The following FAH variants were observed in gnomAD, a reference collection of about 807,000 sequenced individuals.
FAH encodes the protein fumarylacetoacetate hydrolase.
FAH carries 47 observed loss-of-function variants against 55.8 expected under a neutral mutation model. That is an observed-to-expected ratio of 0.84 (90% CI 0.67 to 1.07). The LOEUF is 1.07. FAH is among the 50% of genes least tolerant of loss of function. FAH has a pLI of 0.00. For missense variants in FAH, 495 were observed against 545.9 expected, an observed-to-expected ratio of 0.91 and a Z score of 0.93; for synonymous variants, 199 against 207.7, an observed-to-expected ratio of 0.96 and a Z score of 0.36.
At chr15:80,178,760 T>C (rs2041305542) in intron 11 of FAH, among the ~76,000 whole-genome samples, 1 of 151,930 alleles carries the variant, frequency 6.6e-6, no homozygotes, top group African/African-American at 2.4e-5. Flanking sequence ...ATTTTTTTTT[T>C]TGTATTTTTA....
chr15:80,159,518 C>T (rs576268595), intron 2 of FAH, among the ~76,000 whole-genome samples: 1 of 152,214 alleles, frequency 6.6e-6, no homozygotes, highest in Admixed American at 6.5e-5. Context: ...CAGGTAGCAA[C>T]TCCTGGGCTT....
rs534969678 is a variant in FAH at position 80,155,664 on chromosome 15, C to A, written c.82-2396C>A. Among the ~76,000 whole-genome samples the A allele has an allele frequency of 6.6e-5, 10 of 152,076 alleles. 1 individual carries two copies. The highest frequency in any genetic ancestry group is 6.5e-4 in the Admixed American group (10 of 15,280). On this transcript the variant is annotated intron_variant, in intron 1 of 13. Coordinates refer to ENST00000561421, the MANE Select transcript of FAH (RefSeq NM_000137.4). ...CACTGCTACCACTGAGACACAGAGA[C>A]CGGTAGTGGCCCCGAATGGCTGGGC...
At chr15:80,179,954 G>A (rs2041315102) in intron 11 of FAH, among the ~76,000 whole-genome samples, 170 bp from the exon 12 acceptor site, 1 of 152,088 alleles carries the variant, frequency 6.6e-6, no homozygotes, top group East Asian at 1.9e-4. Flanking sequence ...CTCCCCAGGA[G>A]GACAATGTGT....
chr15:80,186,340 C>A lies in FAH; in HGVS notation c.*131C>A. ...TAAAGCCATTGTGCTCTGAGGCCTG[C>A]ACTGCCGCAGATGCAGCTGTGTCCA... is the stretch of plus-strand genomic sequence containing the variant. On this transcript the variant is annotated 3_prime_UTR_variant, in exon 14 of 14. Coordinates refer to ENST00000561421, the MANE Select transcript of FAH (RefSeq NM_000137.4). The A allele has an allele frequency of 2.6e-6, 2 of 757,784 alleles. No homozygotes were observed. Among genetic ancestry groups the A allele is most frequent in the South Asian group, 2.9e-5 (2 of 68,974 alleles). The allele number at this position is 757,784 out of a possible 1,614,324, so 46.9% of individuals were successfully genotyped here.
At chr15:80,156,776 G>A (rs928831215) in intron 1 of FAH, 1 of 152,226 alleles carries the variant, frequency 6.6e-6, no homozygotes, top group Admixed American at 6.5e-5. Context: ...TCCCAAGGTT[G>A]AAAGTAGAGG....
chr15:80,175,654 G>T (rs1044661946), intron 10 of FAH, among the ~76,000 whole-genome samples: 1 of 152,194 alleles, frequency 6.6e-6, no homozygotes. Context: ...TGCTCAGCCC[G>T]CCTCCGCGAA....
intron 4 of FAH, 69 bp from the exon 5 acceptor site, chr15:80,162,177 C>T: frequency 8.1e-7 from 1 of 1,237,116 alleles, no homozygotes. Flanking sequence ...GGCTCCAGTG[C>T]TTGGAACAGT....
At chr15:80,182,345 T>C (rs2041338502) in intron 13 of FAH, among the ~76,000 whole-genome samples, 1 of 152,170 alleles carries the variant, frequency 6.6e-6, no homozygotes, top group Non-Finnish European at 1.5e-5. Flanking sequence ...CGTAATTTAG[T>C]CCACTCCAGA....
At chr15:80,171,257 A>G (rs957199644) in intron 7 of FAH, among the ~76,000 whole-genome samples, 21 of 149,310 alleles carry the variant, frequency 1.4e-4, no homozygotes, top group African/African-American at 4.4e-4. Flanking sequence ...CCCCCACCCC[A>G]CAACAGACTG....
chr15:80,166,373 C>T (rs2041191696), intron 5 of FAH: 1 of 152,200 alleles, frequency 6.6e-6, no homozygotes, highest in Non-Finnish European at 1.5e-5. Flanking sequence ...ATCAGCCCAC[C>T]TTGGCCTGCC....
At chr15:80,156,614 CTTAGT>C (rs2041102958) in intron 1 of FAH, 3 of 152,192 alleles carry the variant, frequency 2.0e-5, no homozygotes, top group Admixed American at 2.0e-4. Context: ...GGTCTCCCTC[CTTAGT>C]TTGTTTCCCT....
chr15:80,155,916 C>T, intron 1 of FAH: 1 of 478,658 alleles, frequency 2.1e-6, no homozygotes, highest in South Asian at 1.5e-5. Context: ...CCGCTATCTA[C>T]TACAAACTTC....
At position 80,168,403 on chromosome 15, in the gene FAH, G is replaced by A. The variant is rs1441628617; in HGVS notation, c.606+87G>A. Reference sequence around the variant, plus strand: ...GGGATGGCTCCCCGCACCATGAGCCGCCCACTCCCCTCCTCTTCAGCCACA... The same window carrying A: ...GGGATGGCTCCCCGCACCATGAGCCACCCACTCCCCTCCTCTTCAGCCACA... On this transcript the variant is annotated intron_variant, in intron 7 of 13. Transcript: ENST00000561421. The A allele has an allele frequency of 2.0e-5, 27 of 1,341,538 alleles. No homozygotes were observed. The Admixed American group carries it at 2.4e-4, about 12-fold the overall frequency. 83.1% of individuals were successfully genotyped at this position (1,341,538 alleles called of 1,614,324 possible).
rs375231297 is a variant in FAH, at chr15:80,178,744, C to T, written c.960+1161C>T. Among the ~76,000 whole-genome samples the T allele has an allele frequency of 1.4e-4, 21 of 151,772 alleles. No individual in the cohort carries two copies. The East Asian group carries it at 1.8e-3, about 13-fold the overall frequency. On this transcript the variant is annotated intron_variant, in intron 11 of 13. Transcript: ENST00000561421. ...GACTACAGGTGCCCGCCACCACGCC[C>T]GGCTAATTTTTTTTTTTGTATTTTT... is the stretch of plus-strand genomic sequence containing the variant.
intron 5 of FAH, chr15:80,163,730 G>A (rs1355358264): frequency 6.6e-6 from 1 of 152,170 alleles, no homozygotes; most frequent in Non-Finnish European, 1.5e-5. Context: ...AATTAAAAAT[G>A]TGTCTACTCT....
At chr15:80,177,421 C>A in intron 10 of FAH, 116 bp from the exon 11 acceptor site, 1 of 978,818 alleles carries the variant, frequency 1.0e-6, no homozygotes, top group South Asian at 1.3e-5. Flanking sequence ...TTCACAGACT[C>A]TAAGTGAAAT....
At chr15:80,171,633 T>A (rs975097116) in intron 7 of FAH, among the ~76,000 whole-genome samples, 1 of 152,004 alleles carries the variant, frequency 6.6e-6, no homozygotes, top group African/African-American at 2.4e-5. Context: ...GCTAATTTTG[T>A]TTATTTTTTG....
intron 10 of FAH, chr15:80,177,329 G>C: frequency 1.7e-6 from 1 of 603,894 alleles, no homozygotes; most frequent in South Asian, 1.9e-5. Context: ...TGCTGTAGGC[G>C]TGGGAGGAGG....
intron 4 of FAH, among the ~76,000 whole-genome samples, chr15:80,160,729 GC>G (rs1321059516): frequency 6.6e-6 from 1 of 152,178 alleles, no homozygotes; most frequent in Non-Finnish European, 1.5e-5. Flanking sequence ...ACAGCAAATT[GC>G]TTTCCTTCCC....
Sources: allele counts gnomAD v4.1 joint callset (sites outside exome capture counted in the v4.1 genomes callset), GRCh38; gene constraint gnomAD v4.1.1; transcripts MANE v1.5; gene names NCBI Gene and HGNC (gene_info 2026-07-23, HGNC 2026-07-21).